The following CLIC1 variants were observed in gnomAD, a reference collection of about 807,000 sequenced individuals.
CLIC1 encodes the protein CLIC family member 1, also known as chloride intracellular channel protein 1.
A neutral mutation model predicts 26.4 loss-of-function variants in CLIC1; 16 were observed. The observed-to-expected ratio is 0.61, with a 90% CI of 0.41 to 0.92. The LOEUF is 0.92. CLIC1 is among the 40% of genes least tolerant of loss of function. CLIC1 has a pLI of 0.00. For synonymous variants in CLIC1, 98 were observed against 120.8 expected (o/e 0.81, Z 1.24); for missense variants, 225 against 289.7 (o/e 0.78, Z 1.62).
At position 31,736,316 on chromosome 6, in the gene CLIC1, C is replaced by G. The variant is rs1448946027; in HGVS notation, c.-16G>C. 6.2e-7 allele frequency: 1 copy of G among 1,612,810 alleles called. No homozygotes were observed. Among genetic ancestry groups the G allele is most frequent in the Admixed American group, 1.7e-5 (1 of 60,022 alleles). On this transcript the variant is annotated 5_prime_UTR_variant, in exon 1 of 6. Transcript: ENST00000375784. This position sits in a 1 kb window ranked among gnomAD's most constrained non-coding sequence, Gnocchi z 5.0. ...CTTCAGCCATGGTTGCGTCGGGGACCAGGAAGTGGCCGTCCCTGGGGGAAC... is the reference window on the plus strand; with the variant it reads ...CTTCAGCCATGGTTGCGTCGGGGACGAGGAAGTGGCCGTCCCTGGGGGAAC...
Position 31,733,814 on chromosome 6 carries a change from C to T in CLIC1, c.275+22G>A. ...CCAGAATCTCCCTGCTCCACCTCTC[C>T]ACTTTCTGAGTGCCCCTATACCTGG... On this transcript the variant is annotated intron_variant, in intron 3 of 5. Coordinates refer to ENST00000375784, the Ensembl canonical transcript of CLIC1. This position sits in a 1 kb window ranked among gnomAD's most constrained non-coding sequence, Gnocchi z 5.4. 1.2e-6 allele frequency: 2 copies of T among 1,613,372 alleles called. No individual in the cohort carries two copies. The highest frequency in any genetic ancestry group is 1.7e-6 in the Non-Finnish European group (2 of 1,179,322).
chr6:31,736,369 G>C lies in CLIC1; in HGVS notation c.-69C>G. The C allele has an allele frequency of 6.2e-7, 1 of 1,610,698 alleles. No homozygotes were observed. The highest frequency in any genetic ancestry group is 8.5e-7 in the Non-Finnish European group (1 of 1,179,500). Reference sequence around the variant, plus strand: ...GGAGGGGCTGGGACCGGGGAAGGCGGGTCTCACACTCAGGGACTCTCTCCC... The same window carrying C: ...GGAGGGGCTGGGACCGGGGAAGGCGCGTCTCACACTCAGGGACTCTCTCCC... On this transcript the variant is annotated 5_prime_UTR_variant, in exon 1 of 6. Coordinates refer to ENST00000375784, the Ensembl canonical transcript of CLIC1. The surrounding 1 kb of genome is among the most constrained non-coding windows in gnomAD (Gnocchi z 5.0).
At position 31,734,810 on chromosome 6, in the gene CLIC1, A is replaced by C. The variant is rs1808221904; in HGVS notation, c.40-547T>G. 3.9e-5 allele frequency among the ~76,000 whole-genome samples: 6 copies of C among 152,126 alleles called. No individual in the cohort carries two copies. Among genetic ancestry groups the C allele is most frequent in the Admixed American group, 3.9e-4 (6 of 15,278 alleles). ...AGCAAGTGGTGACCTCATTGGCCCA[A>C]GGGACACCTCCCCCTAAGCTGAGGG... On this transcript the variant is annotated intron_variant, in intron 1 of 5. Transcript: ENST00000375784. This position sits in a 1 kb window ranked among gnomAD's most constrained non-coding sequence, Gnocchi z 5.3.
In CLIC1 at chr6:31,736,271, C is replaced by T. The variant is rs144814716; in HGVS notation, c.30G>A (p.Leu10=). 2.5e-6 allele frequency: 4 copies of T among 1,612,554 alleles called. No individual in the cohort carries two copies. The African/African-American group carries it at 4.0e-5, about 16-fold the overall frequency. Residue 10 remains leucine, a synonymous_variant, in exon 1 of 6, where the codon TTG becomes TTA. Transcript: ENST00000375784. This position sits in a 1 kb window ranked among gnomAD's most constrained non-coding sequence, Gnocchi z 5.0. Reference sequence around the variant, plus strand: ...AGAGAAGTGTTCTTACCTTCACGAACAATTCGACCTGCGGTTGTTCTTCAG... The same window carrying T: ...AGAGAAGTGTTCTTACCTTCACGAATAATTCGACCTGCGGTTGTTCTTCAG...
intron 5 of CLIC1, among the ~76,000 whole-genome samples, chr6:31,731,696 C>T (rs1264226471): frequency 6.6e-6 from 1 of 152,240 alleles, no homozygotes; most frequent in African/African-American, 2.4e-5. Flanking sequence ...TCACCATACA[C>T]TTGTGTATCT....
At chr6:31,735,726 C>T (rs757623463) in intron 1 of CLIC1, among the ~76,000 whole-genome samples, 23 of 151,650 alleles carry the variant, frequency 1.5e-4, no homozygotes, top group Non-Finnish European at 3.2e-4. Context: ...TGTTTTGTTC[C>T]GCCCCTCCAA....
rs780480570 is a variant in CLIC1, at chr6:31,732,214, C to T, written c.564+3G>A. ...ATCCTCTCCTCCCGCAATAACCACACACCTGTACTATGTGTAACTTTGGCA... is the reference window on the plus strand; with the variant it reads ...ATCCTCTCCTCCCGCAATAACCACATACCTGTACTATGTGTAACTTTGGCA... On this transcript the variant is annotated splice_donor_region_variant and intron_variant, in intron 5 of 5. Coordinates refer to ENST00000375784, the Ensembl canonical transcript of CLIC1. The surrounding 1 kb of genome is among the most constrained non-coding windows in gnomAD (Gnocchi z 5.0). 2.6e-6 allele frequency: 4 copies of T among 1,518,624 alleles called. No homozygotes were observed. Among genetic ancestry groups the T allele is most frequent in the Non-Finnish European group, 3.5e-6 (4 of 1,131,360 alleles). The allele number at this position is 1,518,624 out of a possible 1,614,324, so 94.1% of individuals were successfully genotyped here.
In CLIC1 at chr6:31,733,780, G is replaced by A; in HGVS notation, c.275+56C>T. ...TCTCTGTTTTCCATTTCTGCAAACT[G>A]TCTGTTTCCCAGAATCTCCCTGCTC... On this transcript the variant is annotated intron_variant, in intron 3 of 5. Transcript: ENST00000375784. This position sits in a 1 kb window ranked among gnomAD's most constrained non-coding sequence, Gnocchi z 5.4. 1 of 1,607,800 alleles carries A rather than the reference G, an allele frequency of 6.2e-7. No individual in the cohort carries two copies. The highest frequency in any genetic ancestry group is 1.1e-5 in the South Asian group (1 of 90,918).
chr6:31,735,758 TCA>T (rs1808283324), intron 1 of CLIC1, among the ~76,000 whole-genome samples: 1 of 151,130 alleles, frequency 6.6e-6, no homozygotes, highest in East Asian at 2.0e-4. Flanking sequence ...TTACTTGCTC[TCA>T]CTCTCAGGCC....
chr6:31,736,340 A>G lies in CLIC1; in HGVS notation c.-40T>C, dbSNP rs1467249972. On this transcript the variant is annotated 5_prime_UTR_variant, in exon 1 of 6. Coordinates refer to ENST00000375784, the Ensembl canonical transcript of CLIC1. This position sits in a 1 kb window ranked among gnomAD's most constrained non-coding sequence, Gnocchi z 5.0. The stretch of plus-strand genomic sequence containing the variant: ...CCAGGAAGTGGCCGTCCCTGGGGGA[A>G]CTGGGAGGGGCTGGGACCGGGGAAG... 3 of 1,612,400 alleles carry G rather than the reference A, an allele frequency of 1.9e-6. No individual in the cohort carries two copies. The highest frequency in any genetic ancestry group is 8.5e-7 in the Non-Finnish European group (1 of 1,179,928).
intron 1 of CLIC1, among the ~76,000 whole-genome samples, chr6:31,735,399 G>C (rs1808261105): frequency 6.6e-6 from 1 of 150,758 alleles, no homozygotes; most frequent in South Asian, 2.1e-4. Context: ...TCAGAGGGGG[G>C]CTGGGTGACA....
In CLIC1 at chr6:31,733,754, ATC is replaced by A. The variant is rs1487507428; in HGVS notation, c.275+80_275+81del. 2 of 1,604,382 alleles carry A rather than the reference ATC, an allele frequency of 1.2e-6. No homozygotes were observed. The highest frequency in any genetic ancestry group is 2.2e-5 in the East Asian group (1 of 44,662). The stretch of plus-strand genomic sequence containing the variant: ...GCTCTCCTGCCCCAGCCCCACCACC[ATC>A]TCTGTTTTCCATTTCTGCAAACTGT... On this transcript the variant is annotated intron_variant, in intron 3 of 5. Transcript: ENST00000375784. The surrounding 1 kb of genome is among the most constrained non-coding windows in gnomAD (Gnocchi z 5.4).
Position 31,733,988 on chromosome 6 carries a change from T to A in CLIC1, c.150-27A>T. On this transcript the variant is annotated intron_variant, in intron 2 of 5. Transcript: ENST00000375784. The surrounding 1 kb of genome is among the most constrained non-coding windows in gnomAD (Gnocchi z 5.4). ...TGGAGAAAGGATCAGGAATCAGGAC[T>A]GGAAATGGGGGTCAGGAAGAACCAG... The A allele has an allele frequency of 6.2e-7, 1 of 1,607,102 alleles. No individual in the cohort carries two copies. The highest frequency in any genetic ancestry group is 8.5e-7 in the Non-Finnish European group (1 of 1,175,712).
Position 31,733,834 on chromosome 6 carries a change from A to T in CLIC1, c.275+2T>A. Reference sequence around the variant, plus strand: ...CTCTCCACTTTCTGAGTGCCCCTATACCTGGGAGGGCACAGCACTGCCTCC... The same window carrying T: ...CTCTCCACTTTCTGAGTGCCCCTATTCCTGGGAGGGCACAGCACTGCCTCC... On this transcript the variant is annotated splice_donor_variant, in intron 3 of 5. Coordinates refer to ENST00000375784, the Ensembl canonical transcript of CLIC1. LOFTEE classifies it high-confidence loss of function. This position sits in a 1 kb window ranked among gnomAD's most constrained non-coding sequence, Gnocchi z 5.4. 1.2e-6 allele frequency: 2 copies of T among 1,613,816 alleles called. No homozygotes were observed. Among genetic ancestry groups the T allele is most frequent in the Non-Finnish European group, 1.7e-6 (2 of 1,179,924 alleles).
At position 31,730,962 on chromosome 6, in the gene CLIC1, G is replaced by T; in HGVS notation, c.606C>A (p.Ala202=). The stretch of plus-strand genomic sequence containing the variant: ...TCAAGTACCGATGCACTCCCCGGAA[G>T]GCCTCGGGGATGGTGAATCCCCGGT... The change falls in exon 6 of 6, where the codon GCC becomes GCA. Residue 202 remains alanine, a synonymous_variant. Transcript: ENST00000375784. The surrounding 1 kb of genome is among the most constrained non-coding windows in gnomAD (Gnocchi z 5.1). 2 of 1,612,998 alleles carry T rather than the reference G, an allele frequency of 1.2e-6. No individual in the cohort carries two copies. Among genetic ancestry groups the T allele is most frequent in the Non-Finnish European group, 1.7e-6 (2 of 1,179,990 alleles).
At position 31,733,394 on chromosome 6, in the gene CLIC1, A is replaced by C. The variant is rs574649825; in HGVS notation, c.382+172T>G. ...GAGAAAAGCTTAAAAGTCTTGGCCA[A>C]TGAAAATGCAGGGAAATATAGAGGT... On this transcript the variant is annotated intron_variant, in intron 4 of 5. Coordinates refer to ENST00000375784, the Ensembl canonical transcript of CLIC1. This position sits in a 1 kb window ranked among gnomAD's most constrained non-coding sequence, Gnocchi z 5.4. Among the ~76,000 whole-genome samples, 1 of 152,324 alleles carries C rather than the reference A, an allele frequency of 6.6e-6. No individual in the cohort carries two copies. The highest frequency in any genetic ancestry group is 2.4e-5 in the African/African-American group (1 of 41,584).
chr6:31,732,490 A>G lies in CLIC1; in HGVS notation c.383-92T>C. On this transcript the variant is annotated intron_variant, in intron 4 of 5. Coordinates refer to ENST00000375784, the Ensembl canonical transcript of CLIC1. This position sits in a 1 kb window ranked among gnomAD's most constrained non-coding sequence, Gnocchi z 5.0. Reference sequence around the variant, plus strand: ...GGGGTGGATACTAATGGTGAGTCCAAAATAATAATAGCTAACACTCATGTA... The same window carrying G: ...GGGGTGGATACTAATGGTGAGTCCAGAATAATAATAGCTAACACTCATGTA... The G allele has an allele frequency of 1.3e-6, 1 of 769,508 alleles. No individual in the cohort carries two copies. The highest frequency in any genetic ancestry group is 2.8e-5 in the South Asian group (1 of 36,308). 47.7% of individuals were successfully genotyped at this position (769,508 alleles called of 1,614,324 possible).
In CLIC1 at chr6:31,736,413, C is replaced by A; in HGVS notation, c.-113G>T. ...CTCTCCCCTAGACCCAGGGCTGTCC[C>A]TTCAGCACAACACAAGCTCAATCAG... is the stretch of plus-strand genomic sequence containing the variant. On this transcript the variant is annotated 5_prime_UTR_variant, in exon 1 of 6. In the 5' UTR this introduces an upstream ATG that the reference lacks. Transcript: ENST00000375784. This position sits in a 1 kb window ranked among gnomAD's most constrained non-coding sequence, Gnocchi z 5.0. 1 of 1,571,042 alleles carries A rather than the reference C, an allele frequency of 6.4e-7. No homozygotes were observed. Among genetic ancestry groups the A allele is most frequent in the South Asian group, 1.1e-5 (1 of 87,056 alleles).
chr6:31,732,471 G>C lies in CLIC1; in HGVS notation c.383-73C>G. On this transcript the variant is annotated intron_variant, in intron 4 of 5. Coordinates refer to ENST00000375784, the Ensembl canonical transcript of CLIC1. The surrounding 1 kb of genome is among the most constrained non-coding windows in gnomAD (Gnocchi z 5.0). ...AGTCCGAAAAGGCCCGTTGGGGGTG[G>C]ATACTAATGGTGAGTCCAAAATAAT... is the stretch of plus-strand genomic sequence containing the variant. The C allele has an allele frequency of 8.9e-7, 1 of 1,119,744 alleles. No individual in the cohort carries two copies. The highest frequency in any genetic ancestry group is 1.2e-6 in the Non-Finnish European group (1 of 827,510). The allele number at this position is 1,119,744 out of a possible 1,614,324, so 69.4% of individuals were successfully genotyped here.
Sources: allele counts gnomAD v4.1 joint callset (sites outside exome capture counted in the v4.1 genomes callset), GRCh38; gene constraint gnomAD v4.1.1; non-coding constraint Gnocchi (gnomAD v3.1); transcripts MANE v1.5; gene names NCBI Gene and HGNC (gene_info 2026-07-23, HGNC 2026-07-21).